PRKACB: variants seen among roughly 807,000 people sequenced by gnomAD.
PRKACB encodes the protein protein kinase cAMP-activated catalytic subunit beta.
Under a neutral mutation model 51.4 loss-of-function variants are expected in PRKACB, and 16 were observed. The observed-to-expected ratio is 0.31, with a 90% confidence interval of 0.21 to 0.47. The LOEUF is 0.47. Among genes scored for constraint, PRKACB ranks in the 20% least tolerant of loss-of-function variants. The probability of loss-of-function intolerance (pLI) is 1.00; values close to 1 mark genes in which losing one functional copy is unlikely to be tolerated. For missense variants in PRKACB, 309 were observed against 464.5 expected (o/e 0.67, Z 3.08); for synonymous variants, 147 against 154.4 (o/e 0.95, Z 0.35).
intron 1 of PRKACB, among the ~76,000 whole-genome samples, chr1:84,120,857 T>C (rs1390095637): frequency 2.0e-5 from 3 of 152,082 alleles, no homozygotes; most frequent in Non-Finnish European, 4.4e-5. Flanking sequence ...CACCTCCACC[T>C]TCTGGTTCCC....
intron 1 of PRKACB, among the ~76,000 whole-genome samples, chr1:84,091,484 T>C (rs564325721): frequency 4.6e-5 from 7 of 152,246 alleles, no homozygotes; most frequent in Admixed American, 3.3e-4. Flanking sequence ...TAGATTTAAC[T>C]TTCTTGTTTT....
At chr1:84,209,045 T>G (rs936648263) in intron 8 of PRKACB, among the ~76,000 whole-genome samples, 1 of 152,226 alleles carries the variant, frequency 6.6e-6, no homozygotes, top group Non-Finnish European at 1.5e-5. Flanking sequence ...AAAGGTAGTT[T>G]GTGGCAAAGC....
intron 2 of PRKACB, among the ~76,000 whole-genome samples, chr1:84,180,597 A>G (rs1663103485): frequency 6.6e-6 from 1 of 152,040 alleles, no homozygotes; most frequent in Admixed American, 6.6e-5. Flanking sequence ...AGATATTATA[A>G]CCAAAAAAAT....
At chr1:84,155,693 A>G (rs1655410925) in intron 1 of PRKACB, among the ~76,000 whole-genome samples, 1 of 152,164 alleles carries the variant, frequency 6.6e-6, no homozygotes, top group South Asian at 2.1e-4. Context: ...GAAGAATGAT[A>G]TGTGTCTGAG....
At chr1:84,098,031 A>G (rs1401777191) in intron 1 of PRKACB, among the ~76,000 whole-genome samples, 2 of 152,068 alleles carry the variant, frequency 1.3e-5, no homozygotes, top group Non-Finnish European at 2.9e-5. Flanking sequence ...ATTAACCACC[A>G]TAGTGGGTGT....
At chr1:84,147,379 A>G (rs890462416) in intron 1 of PRKACB, among the ~76,000 whole-genome samples, 5 of 151,994 alleles carry the variant, frequency 3.3e-5, no homozygotes, top group Non-Finnish European at 5.9e-5. Flanking sequence ...TTGTTAGCCC[A>G]TTGAATCTGT....
chr1:84,134,436 T>G (rs1652587569), intron 1 of PRKACB, among the ~76,000 whole-genome samples: 1 of 152,082 alleles, frequency 6.6e-6, no homozygotes, highest in African/African-American at 2.4e-5. Context: ...ATGACTGCAA[T>G]GTTAAAAGAG....
intron 1 of PRKACB, among the ~76,000 whole-genome samples, chr1:84,092,962 A>G (rs1648606241): frequency 1.3e-5 from 2 of 150,272 alleles, no homozygotes; most frequent in South Asian, 2.1e-4. Flanking sequence ...ATTGATTTGT[A>G]GAGTTATTTA....
At chr1:84,192,687 C>T (rs1262883786) in intron 5 of PRKACB, among the ~76,000 whole-genome samples, 1 of 152,038 alleles carries the variant, frequency 6.6e-6, no homozygotes, top group Non-Finnish European at 1.5e-5. Flanking sequence ...TTTTATTAGC[C>T]TTAAGATATC....
At chr1:84,134,704 A>G (rs1652616034) in intron 1 of PRKACB, among the ~76,000 whole-genome samples, 2 of 152,234 alleles carry the variant, frequency 1.3e-5, no homozygotes, top group Admixed American at 6.5e-5. Context: ...ACAGTTAGAA[A>G]CAGTTACAAA....
intron 1 of PRKACB, among the ~76,000 whole-genome samples, chr1:84,134,849 T>C (rs930300870): frequency 6.6e-6 from 1 of 152,222 alleles, no homozygotes; most frequent in South Asian, 2.1e-4. Context: ...TCTTATGACA[T>C]GGCAGTTATT....
intron 1 of PRKACB, chr1:84,164,373 G>A: frequency 1.9e-6 from 3 of 1,565,322 alleles, no homozygotes; most frequent in South Asian, 1.2e-5. Flanking sequence ...AAGACGTTTA[G>A]GTGCAATCAT....
At chr1:84,221,373 G>T (rs7547471) in intron 9 of PRKACB, among the ~76,000 whole-genome samples, 2,560 of 149,250 alleles carry the variant, frequency 0.017, 77 homozygotes, top group African/African-American at 0.059. Context: ...TATCAATTTT[G>T]GTTATTTTTT....
At chr1:84,109,814 C>G (rs1488066903) in intron 1 of PRKACB, among the ~76,000 whole-genome samples, 1 of 151,826 alleles carries the variant, frequency 6.6e-6, no homozygotes, top group Non-Finnish European at 1.5e-5. Context: ...CACCTAGTCT[C>G]ATTTTATGCT....
At chr1:84,111,323 C>T (rs979892039) in intron 1 of PRKACB, among the ~76,000 whole-genome samples, 5 of 152,002 alleles carry the variant, frequency 3.3e-5, no homozygotes, top group African/African-American at 9.7e-5. Context: ...GCCCCAAACA[C>T]AAAATGAGTC....
intron 9 of PRKACB, among the ~76,000 whole-genome samples, chr1:84,214,931 G>A (rs775069956): frequency 1.1e-4 from 17 of 152,192 alleles, no homozygotes; most frequent in Non-Finnish European, 2.2e-4. Context: ...TGTCCTAAGG[G>A]TTTTCAAAAC....
intron 1 of PRKACB, among the ~76,000 whole-genome samples, chr1:84,104,254 T>G (rs191721623): frequency 3.9e-5 from 6 of 152,300 alleles, no homozygotes; most frequent in African/African-American, 1.4e-4. Flanking sequence ...CCTGACTGAT[T>G]TCACTTAACA....
chr1:84,181,061 T>G (rs987239542), intron 2 of PRKACB, among the ~76,000 whole-genome samples: 1 of 152,036 alleles, frequency 6.6e-6, no homozygotes, highest in Non-Finnish European at 1.5e-5. Flanking sequence ...TATTTTAAAT[T>G]TTAAGCTGTG....
chr1:84,175,907 A>AT (rs1661088017), intron 1 of PRKACB: 3 of 958,318 alleles, frequency 3.1e-6, no homozygotes, highest in Non-Finnish European at 4.3e-6. Flanking sequence ...GAATAAATTA[A>AT]TTTTTTGTGT....
Sources: allele counts gnomAD v4.1 joint callset (sites outside exome capture counted in the v4.1 genomes callset), GRCh38; gene constraint gnomAD v4.1.1; transcripts MANE v1.5; gene names NCBI Gene and HGNC (gene_info 2026-07-23, HGNC 2026-07-21).